The following EYS variants were observed in gnomAD, a reference collection of about 807,000 sequenced individuals.
EYS encodes the protein EGF-like photoreceptor maintenance factor.
Under a neutral mutation model 282.1 loss-of-function variants are expected in EYS, and 250 were observed. The observed-to-expected ratio is 0.89, with a 90% CI of 0.80 to 0.98. The LOEUF (loss-of-function observed/expected upper bound fraction) is 0.98, where lower values mean the gene tolerates loss of function less well. EYS is among the 50% of genes least tolerant of loss of function. The probability of loss-of-function intolerance (pLI) is 0.00; values close to 1 mark genes in which losing one functional copy is unlikely to be tolerated. For synonymous variants in EYS, 1,355 were observed against 1,282.9 expected, an observed-to-expected ratio of 1.06 and a Z score of -1.20; for missense variants, 4,016 against 3,709.0, an observed-to-expected ratio of 1.08 and a Z score of -2.15.
chr6:64,468,755 A>T (rs1378716693), intron 26 of EYS, among the ~76,000 whole-genome samples: 1 of 152,108 alleles, frequency 6.6e-6, no homozygotes, highest in Non-Finnish European at 1.5e-5. Flanking sequence ...AACATGTGGT[A>T]TTTGGTTTTC....
At chr6:64,501,344 A>C (rs777375779) in intron 26 of EYS, among the ~76,000 whole-genome samples, 1 of 152,092 alleles carries the variant, frequency 6.6e-6, no homozygotes, top group Non-Finnish European at 1.5e-5. Flanking sequence ...AAAATAACAA[A>C]TCATTAGGAT....
intron 31 of EYS, among the ~76,000 whole-genome samples, chr6:64,144,802 C>T (rs74652924): frequency 0.012 from 1,753 of 152,140 alleles, 34 homozygotes; most frequent in African/African-American, 0.039. Context: ...GAGTAGGTCG[C>T]GCAGAACAAG....
intron 14 of EYS, among the ~76,000 whole-genome samples, chr6:64,956,694 G>T (rs1316925655): frequency 1.3e-5 from 2 of 152,022 alleles, no homozygotes; most frequent in South Asian, 4.2e-4. Context: ...TCTGACAAGG[G>T]ACTAATAACC....
intron 22 of EYS, among the ~76,000 whole-genome samples, chr6:64,688,910 C>G (rs1231244043): frequency 1.3e-5 from 2 of 151,788 alleles, no homozygotes; most frequent in Admixed American, 6.6e-5. Context: ...AAAACTGGCA[C>G]AAGACAGTGA....
chr6:64,566,641 C>T (rs778244596), intron 26 of EYS, among the ~76,000 whole-genome samples: 3 of 152,046 alleles, frequency 2.0e-5, no homozygotes, highest in Non-Finnish European at 4.4e-5. Flanking sequence ...TGCTTTACAC[C>T]AGTCCACCTA....
chr6:64,337,913 T>C (rs1397563479), intron 29 of EYS, among the ~76,000 whole-genome samples: 4 of 152,032 alleles, frequency 2.6e-5, no homozygotes, highest in South Asian at 2.1e-4. Context: ...GAGAAAGTAT[T>C]TGGCAAAATT....
chr6:64,608,332 G>A lies in EYS; in HGVS notation c.3684+9086C>T, dbSNP rs577206733. Among the ~76,000 whole-genome samples, 8 of 152,054 alleles carry A rather than the reference G, an allele frequency of 5.3e-5. No homozygotes were observed. The South Asian group carries it at 1.0e-3, about 20-fold the overall frequency. ...AGAAAAGCAGACCAGAGAGGGAGAA[G>A]GGAATAGAGAAGAAGAGGAAGGGAG... On this transcript the variant is annotated intron_variant, in intron 24 of 42. Transcript: ENST00000503581.
chr6:64,384,005 A>G (rs922901929), intron 29 of EYS, among the ~76,000 whole-genome samples: 10 of 152,176 alleles, frequency 6.6e-5, no homozygotes, highest in African/African-American at 2.4e-4. Flanking sequence ...TCTACAGATA[A>G]CTGAAGTGGT....
intron 26 of EYS, among the ~76,000 whole-genome samples, chr6:64,487,707 T>C (rs1776619653): frequency 6.6e-6 from 1 of 151,030 alleles, no homozygotes; most frequent in Non-Finnish European, 1.5e-5. Context: ...AGTGAGTATT[T>C]ACATATGTTA....
chr6:65,074,664 C>G (rs1773994899), intron 12 of EYS, among the ~76,000 whole-genome samples: 1 of 151,964 alleles, frequency 6.6e-6, no homozygotes, highest in Non-Finnish European at 1.5e-5. Context: ...ATGTCAAACA[C>G]AGAGCATCAG....
intron 22 of EYS, among the ~76,000 whole-genome samples, chr6:64,787,935 T>G (rs1333449706): frequency 2.0e-5 from 3 of 152,012 alleles, no homozygotes; most frequent in Non-Finnish European, 2.9e-5. Flanking sequence ...TTTTACATCA[T>G]GCCCCTTTGT....
At chr6:64,642,131 C>A (rs1040512004) in intron 22 of EYS, among the ~76,000 whole-genome samples, 87 of 152,278 alleles carry the variant, frequency 5.7e-4, no homozygotes, top group African/African-American at 2.0e-3. Flanking sequence ...AATCTGGAAT[C>A]ACCAACTCTT....
At chr6:64,775,881 G>C (rs1773664056) in intron 22 of EYS, among the ~76,000 whole-genome samples, 1 of 152,060 alleles carries the variant, frequency 6.6e-6, no homozygotes, top group Admixed American at 6.6e-5. Flanking sequence ...ATAGCTGCTA[G>C]CTGTTTTGTG....
chr6:65,707,022 T>G (rs1248588938), intron 1 of EYS, 113 bp downstream of exon 1: 1 of 152,210 alleles, frequency 6.6e-6, no homozygotes, highest in African/African-American at 2.4e-5. Context: ...AAATAACTGG[T>G]TAAAGAAATG....
chr6:65,582,113 T>A (rs1764894494), intron 2 of EYS, among the ~76,000 whole-genome samples: 1 of 151,620 alleles, frequency 6.6e-6, no homozygotes, highest in South Asian at 2.1e-4. Context: ...GGACAATCGC[T>A]TGAACCCAGG....
At chr6:64,766,371 C>T (rs1298001496) in intron 22 of EYS, among the ~76,000 whole-genome samples, 5 of 150,194 alleles carry the variant, frequency 3.3e-5, no homozygotes, top group South Asian at 2.1e-4. Context: ...CAGTGGCTCA[C>T]GCCTGTAATC....
At chr6:64,811,089 T>C (rs974988109) in intron 22 of EYS, among the ~76,000 whole-genome samples, 6 of 152,090 alleles carry the variant, frequency 3.9e-5, no homozygotes, top group African/African-American at 1.4e-4. Flanking sequence ...ATAATTTGAC[T>C]TGAAAAGCAC....
chr6:63,778,134 G>C lies in EYS; in HGVS notation c.7770C>G (p.Phe2590Leu). The change falls in exon 40 of 43, where the codon TTC becomes TTG. Residue 2590 changes from phenylalanine to leucine, a missense_variant. By Grantham distance (22) the Phe-to-Leu change is conservative (BLOSUM62 0). Transcript: ENST00000503581. The stretch of plus-strand genomic sequence containing the variant: ...GGCCCTCAGGATTTCCCAGTCCTCT[G>C]AAATGGCCATCCTTCTCAGTGCGAA... ...LQVRTEKDGHFRGLGNPEGHP... is the reference protein window; with the variant it reads ...LQVRTEKDGHLRGLGNPEGHP... 1.3e-6 allele frequency: 2 copies of C among 1,551,848 alleles called. No homozygotes were observed. The highest frequency in any genetic ancestry group is 2.4e-5 in the South Asian group (2 of 84,062).
chr6:64,171,643 A>T lies in EYS; in HGVS notation c.6424+58949T>A, dbSNP rs1456909007. On this transcript the variant is annotated intron_variant, in intron 31 of 42. Transcript: ENST00000503581. ...TATTGATATAACAGTCTTCCACTGC[A>T]CGTAACAAAATACCCAGCTCAAACT... 2.0e-5 allele frequency among the ~76,000 whole-genome samples: 3 copies of T among 152,152 alleles called. No individual in the cohort carries two copies. The South Asian group carries it at 6.2e-4, about 31-fold the overall frequency.
Sources: allele counts gnomAD v4.1 joint callset (sites outside exome capture counted in the v4.1 genomes callset), GRCh38; gene constraint gnomAD v4.1.1; transcripts MANE v1.5; gene names NCBI Gene and HGNC (gene_info 2026-07-23, HGNC 2026-07-21).